The following SYNDIG1 variants were observed in gnomAD, a reference collection of about 807,000 sequenced individuals.
The protein encoded by SYNDIG1 is synapse differentiation inducing 1.
In SYNDIG1, 9 loss-of-function variants were observed where a neutral mutation model predicts 19.4. The observed-to-expected ratio is 0.46, with a 90% CI of 0.28 to 0.81. The LOEUF is 0.81. Among genes scored for constraint, SYNDIG1 ranks in the 30% least tolerant of loss-of-function variants. SYNDIG1 has a pLI of 0.12. For missense variants in SYNDIG1, 311 were observed against 343.3 expected (o/e 0.91, Z 0.74); for synonymous variants, 141 against 145.9 (o/e 0.97, Z 0.24).
At chr20:24,497,089 T>C (rs189091534) in intron 1 of SYNDIG1, among the ~76,000 whole-genome samples, 2 of 152,350 alleles carry the variant, frequency 1.3e-5, no homozygotes, top group Admixed American at 1.3e-4. Context: ...TATTCTTCTG[T>C]TCTTACATAT....
At chr20:24,621,695 T>C (rs1202151711) in intron 3 of SYNDIG1, among the ~76,000 whole-genome samples, 1 of 152,156 alleles carries the variant, frequency 6.6e-6, no homozygotes, top group African/African-American at 2.4e-5. Flanking sequence ...TGATACTTGA[T>C]CAGATCAGAG....
intron 3 of SYNDIG1, among the ~76,000 whole-genome samples, chr20:24,608,876 G>A (rs1333160133): frequency 1.3e-5 from 2 of 152,170 alleles, no homozygotes; most frequent in Non-Finnish European, 2.9e-5. Context: ...ATTAGATGAT[G>A]TTCAGAAAAA....
intron 2 of SYNDIG1, among the ~76,000 whole-genome samples, chr20:24,558,360 T>G (rs1246171866): frequency 2.6e-5 from 4 of 152,228 alleles, no homozygotes; most frequent in South Asian, 4.1e-4. Flanking sequence ...GATATTAACA[T>G]AGCCACTCTT....
intron 1 of SYNDIG1, among the ~76,000 whole-genome samples, chr20:24,525,896 G>A (rs1368665881): frequency 6.6e-6 from 1 of 152,096 alleles, no homozygotes; most frequent in African/African-American, 2.4e-5. Flanking sequence ...TATATAATGT[G>A]ATATAAATGG....
At chr20:24,550,799 T>C (rs2057692291) in intron 2 of SYNDIG1, among the ~76,000 whole-genome samples, 1 of 152,172 alleles carries the variant, frequency 6.6e-6, no homozygotes, top group Admixed American at 6.5e-5. Flanking sequence ...TGTGAGCCAC[T>C]GCGCCCAGCC....
Position 24,499,742 on chromosome 20 carries a change from A to T in SYNDIG1, c.-79+29989A>T, listed in dbSNP as rs140807693. 1.8e-3 allele frequency among the ~76,000 whole-genome samples: 272 copies of T among 152,266 alleles called. 5 individuals are homozygous for T. The East Asian group carries it at 0.048, about 27-fold the overall frequency. On this transcript the variant is annotated intron_variant, in intron 1 of 3. Transcript: ENST00000376862. ...TAGAGGCTGCTCACTGGTGGGAGAG[A>T]AAGCAGGAAAGCAAAAGCATCCTTG...
At position 24,481,171 on chromosome 20, in the gene SYNDIG1, C is replaced by T. The variant is rs184915200; in HGVS notation, c.-79+11418C>T. ...CTACATTAATTGGAAATGTAAGATT[C>T]TAGTTACTGGTATGTAGTTAACAGG... On this transcript the variant is annotated intron_variant, in intron 1 of 3. Transcript: ENST00000376862. Among the ~76,000 whole-genome samples the T allele has an allele frequency of 5.3e-4, 81 of 152,228 alleles. 3 individuals carry two copies. In the East Asian group the frequency reaches 0.015, roughly 28 times the overall value.
intron 3 of SYNDIG1, among the ~76,000 whole-genome samples, chr20:24,620,242 A>C (rs1223308700): frequency 6.6e-6 from 1 of 152,160 alleles, no homozygotes; most frequent in Non-Finnish European, 1.5e-5. Context: ...CAACTTTTTC[A>C]TTATGCTCAT....
intron 3 of SYNDIG1, among the ~76,000 whole-genome samples, chr20:24,664,767 A>C (rs2147417084): frequency 6.6e-6 from 1 of 152,288 alleles, no homozygotes; most frequent in Middle Eastern, 3.4e-3. Flanking sequence ...TGAATGACTC[A>C]TGGCCACAGC....
At chr20:24,503,644 G>A (rs932244116) in intron 1 of SYNDIG1, among the ~76,000 whole-genome samples, 3 of 149,140 alleles carry the variant, frequency 2.0e-5, no homozygotes. Context: ...GCTTTCCACT[G>A]CTCTTATCTG....
At chr20:24,602,828 C>T (rs1424380542) in intron 3 of SYNDIG1, among the ~76,000 whole-genome samples, 2 of 152,154 alleles carry the variant, frequency 1.3e-5, no homozygotes, top group Admixed American at 1.3e-4. Context: ...ATTGTTTATA[C>T]AGAGAATGTA....
rs999892435 is a variant in SYNDIG1, at chr20:24,578,353, G to A, written c.481-6503G>A. 3.3e-5 allele frequency among the ~76,000 whole-genome samples: 5 copies of A among 151,558 alleles called. No individual in the cohort carries two copies. In the South Asian group the frequency reaches 1.0e-3, roughly 32 times the overall value. ...AGCTACTCCAGAGGCTGAGGCAGGA[G>A]AATTGCTTGAACCCGGGAGGCGGAG... On this transcript the variant is annotated intron_variant, in intron 2 of 3. Transcript: ENST00000376862.
At chr20:24,524,568 C>T (rs902810904) in intron 1 of SYNDIG1, among the ~76,000 whole-genome samples, 1 of 152,014 alleles carries the variant, frequency 6.6e-6, no homozygotes, top group African/African-American at 2.4e-5. Context: ...ACGGCGTGAA[C>T]CCGGGAGGCG....
intron 3 of SYNDIG1, among the ~76,000 whole-genome samples, chr20:24,616,713 G>C (rs1237750155): frequency 1.3e-5 from 2 of 152,242 alleles, no homozygotes; most frequent in Non-Finnish European, 2.9e-5. Flanking sequence ...TGAGGCTTCA[G>C]CCTTCACACC....
chr20:24,546,522 G>A (rs2057580056), intron 2 of SYNDIG1, among the ~76,000 whole-genome samples: 1 of 152,212 alleles, frequency 6.6e-6, no homozygotes, highest in South Asian at 2.1e-4. Flanking sequence ...TGCAGTGACA[G>A]AGGTAACTGC....
intron 3 of SYNDIG1, among the ~76,000 whole-genome samples, chr20:24,599,758 A>T (rs946862169): frequency 5.9e-5 from 9 of 152,270 alleles, no homozygotes; most frequent in Admixed American, 5.9e-4. Flanking sequence ...GCTCTCACTT[A>T]TACACATGAG....
intron 1 of SYNDIG1, among the ~76,000 whole-genome samples, chr20:24,501,428 C>T (rs1411947073): frequency 1.3e-5 from 2 of 152,182 alleles, no homozygotes; most frequent in African/African-American, 4.8e-5. Flanking sequence ...ATCCAGTTCA[C>T]GGATATCGTT....
intron 1 of SYNDIG1, among the ~76,000 whole-genome samples, chr20:24,479,882 C>T (rs1321266631): frequency 2.6e-5 from 4 of 152,188 alleles, no homozygotes; most frequent in Admixed American, 1.3e-4. Context: ...CCCTGTTCAC[C>T]CTCCAGCCTC....
chr20:24,650,845 T>TC (rs74342287), intron 3 of SYNDIG1, among the ~76,000 whole-genome samples: 140,225 of 152,228 alleles, frequency 0.92, 64,754 homozygotes, highest in African/African-American at 0.98. Context: ...TTCTTTCTTT[T>TC]TTTTTTTTGA....
Sources: allele counts gnomAD v4.1 joint callset (sites outside exome capture counted in the v4.1 genomes callset), GRCh38; gene constraint gnomAD v4.1.1; transcripts MANE v1.5; gene names NCBI Gene and HGNC (gene_info 2026-07-23, HGNC 2026-07-21).